Variants in CNTNAP2 observed in about 807,000 individuals in gnomAD.
CNTNAP2 encodes contactin associated protein 2.
Under a neutral mutation model 155.2 loss-of-function variants are expected in CNTNAP2, and 98 were observed. The observed-to-expected ratio is 0.63, with a 90% confidence interval of 0.54 to 0.75. The LOEUF (loss-of-function observed/expected upper bound fraction) is 0.75, where lower values mean the gene tolerates loss of function less well. Ranked by LOEUF, CNTNAP2 falls within the 30% of genes least tolerant of loss-of-function variation. The pLI is 0.00. For synonymous variants in CNTNAP2, 651 were observed against 631.2 expected (o/e 1.03, Z -0.47); for missense variants, 1,727 against 1,688.1 (o/e 1.02, Z -0.40).
At chr7:146,473,614 C>T (rs779164565) in intron 1 of CNTNAP2, among the ~76,000 whole-genome samples, 8 of 152,168 alleles carry the variant, frequency 5.3e-5, no homozygotes, top group Admixed American at 1.3e-4. Context: ...TCTCAATAAA[C>T]GCCCCTGGAT....
intron 1 of CNTNAP2, among the ~76,000 whole-genome samples, chr7:146,336,773 CAAG>C (rs2129095848): frequency 6.6e-6 from 1 of 152,160 alleles, no homozygotes; most frequent in South Asian, 2.1e-4. Flanking sequence ...GACCTAACAA[CAAG>C]AAGAACAACA....
intron 21 of CNTNAP2, among the ~76,000 whole-genome samples, chr7:148,322,120 A>C (rs1450371772): frequency 6.6e-6 from 1 of 151,730 alleles, no homozygotes; most frequent in African/African-American, 2.4e-5. Flanking sequence ...TGGAGGTTTC[A>C]CCATGTCGGC....
At chr7:147,714,724 T>A (rs1796457016) in intron 13 of CNTNAP2, among the ~76,000 whole-genome samples, 1 of 152,046 alleles carries the variant, frequency 6.6e-6, no homozygotes, top group Admixed American at 6.6e-5. Flanking sequence ...TGTATGTATA[T>A]GTAGTTTTAT....
intron 21 of CNTNAP2, among the ~76,000 whole-genome samples, chr7:148,345,781 C>CT (rs1158427897): frequency 2.6e-5 from 4 of 152,092 alleles, no homozygotes; most frequent in African/African-American, 9.7e-5. Flanking sequence ...TGTCTTTGTT[C>CT]TTTGTCTTTC....
chr7:147,711,558 G>A (rs1247194461), intron 13 of CNTNAP2, among the ~76,000 whole-genome samples: 1 of 152,170 alleles, frequency 6.6e-6, no homozygotes, highest in Non-Finnish European at 1.5e-5. Flanking sequence ...GGTCAGGAAC[G>A]ATGGGAGCAT....
chr7:147,627,445 C>T (rs1394817992), intron 12 of CNTNAP2, among the ~76,000 whole-genome samples: 1 of 151,988 alleles, frequency 6.6e-6, no homozygotes. Context: ...CGCCTGAAAT[C>T]CCAGCACTTT....
intron 13 of CNTNAP2, among the ~76,000 whole-genome samples, chr7:147,874,347 T>G (rs570367827): frequency 6.6e-6 from 1 of 152,366 alleles, no homozygotes; most frequent in Non-Finnish European, 1.5e-5. Flanking sequence ...ATACATTCTC[T>G]GAAATCTAGG....
chr7:146,551,988 T>A (rs1353120737), intron 1 of CNTNAP2, among the ~76,000 whole-genome samples: 1 of 151,892 alleles, frequency 6.6e-6, no homozygotes, highest in East Asian at 1.9e-4. Context: ...GCTGACATAA[T>A]GAAAAAAATA....
intron 10 of CNTNAP2, among the ~76,000 whole-genome samples, chr7:147,402,296 C>A (rs1344659980): frequency 6.6e-6 from 1 of 152,178 alleles, no homozygotes; most frequent in East Asian, 1.9e-4. Flanking sequence ...GTCCCACCTG[C>A]TCCACCAAGG....
intron 1 of CNTNAP2, among the ~76,000 whole-genome samples, chr7:146,330,635 A>G (rs941724434): frequency 1.3e-5 from 2 of 152,206 alleles, no homozygotes; most frequent in South Asian, 2.1e-4. Context: ...AACCATACAT[A>G]TATCTGGTTA....
chr7:146,732,069 T>G (rs2129179586), intron 1 of CNTNAP2, among the ~76,000 whole-genome samples: 1 of 152,236 alleles, frequency 6.6e-6, no homozygotes, highest in South Asian at 2.1e-4. Flanking sequence ...TCAGATACAG[T>G]ACAGTGGCCA....
chr7:146,334,979 C>A (rs1801250651), intron 1 of CNTNAP2, among the ~76,000 whole-genome samples: 1 of 152,208 alleles, frequency 6.6e-6, no homozygotes, highest in Non-Finnish European at 1.5e-5. Flanking sequence ...CCACTTTGAT[C>A]ACTTGTAGTA....
chr7:147,490,199 T>A (rs1318548584), intron 11 of CNTNAP2, among the ~76,000 whole-genome samples: 1 of 152,128 alleles, frequency 6.6e-6, no homozygotes. Flanking sequence ...ACAGGAGGAA[T>A]AAACTAGATG....
chr7:148,145,021 G>A (rs1474741327), intron 16 of CNTNAP2, among the ~76,000 whole-genome samples: 4 of 152,150 alleles, frequency 2.6e-5, no homozygotes, highest in Non-Finnish European at 4.4e-5. Context: ...AGCAATGTCA[G>A]GGAAGCTGAC....
chr7:146,153,532 A>G (rs983748972), intron 1 of CNTNAP2, among the ~76,000 whole-genome samples: 2 of 152,180 alleles, frequency 1.3e-5, no homozygotes, highest in African/African-American at 2.4e-5. Flanking sequence ...TTACAAAACC[A>G]CTAGTGGGTT....
At chr7:147,473,013 G>C (rs1363905374) in intron 10 of CNTNAP2, among the ~76,000 whole-genome samples, 2 of 152,218 alleles carry the variant, frequency 1.3e-5, no homozygotes, top group Non-Finnish European at 2.9e-5. Context: ...AGAACTCAGA[G>C]TTGAGGCAGT....
chr7:146,130,688 A>G (rs1797700865), intron 1 of CNTNAP2, among the ~76,000 whole-genome samples: 1 of 152,230 alleles, frequency 6.6e-6, no homozygotes, highest in Non-Finnish European at 1.5e-5. Flanking sequence ...TCACACTGCT[A>G]TAAAGGAATA....
intron 11 of CNTNAP2, chr7:147,496,934 G>T (rs775810465): frequency 2.6e-5 from 4 of 151,952 alleles, no homozygotes; most frequent in Non-Finnish European, 4.4e-5. Context: ...AAAGATTGTT[G>T]TAATCTGGGG....
Position 147,291,552 on chromosome 7 carries a change from C to T in CNTNAP2, c.1349-8589C>T, listed in dbSNP as rs1805312723. On this transcript the variant is annotated intron_variant, in intron 8 of 23. Coordinates refer to ENST00000361727, the MANE Select transcript of CNTNAP2 (RefSeq NM_014141.6). ...CTTGTTTGAATATATACTGTATGTA[C>T]ATGTGTTTATTTCCAATTTGCAACT... Among the ~76,000 whole-genome samples, 10 of 151,874 alleles carry T rather than the reference C, an allele frequency of 6.6e-5. 1 individual carries two copies. In the South Asian group the frequency reaches 1.9e-3, roughly 28 times the overall value.
Sources: allele counts gnomAD v4.1 joint callset (sites outside exome capture counted in the v4.1 genomes callset), GRCh38; gene constraint gnomAD v4.1.1; transcripts MANE v1.5; gene names NCBI Gene and HGNC (gene_info 2026-07-23, HGNC 2026-07-21).